Variants in NRG3 observed in about 807,000 individuals in gnomAD.
The protein encoded by NRG3 is pro-neuregulin-3, membrane-bound isoform.
NRG3 carries 31 observed loss-of-function variants against 66.9 expected under a neutral mutation model. That is an observed-to-expected ratio of 0.46 (90% confidence interval 0.35 to 0.63). NRG3 has a LOEUF of 0.63. Among genes scored for constraint, NRG3 ranks in the 20% least tolerant of loss-of-function variants. The pLI, the probability that NRG3 is intolerant of heterozygous loss-of-function variation, is 0.00. For synonymous variants in NRG3, 393 were observed against 359.4 expected, an observed-to-expected ratio of 1.09 and a Z score of -1.06; for missense variants, 910 against 878.9, an observed-to-expected ratio of 1.04 and a Z score of -0.45.
chr10:82,551,700 C>A (rs892615698), intron 2 of NRG3, among the ~76,000 whole-genome samples: 1 of 151,890 alleles, frequency 6.6e-6, no homozygotes, highest in Non-Finnish European at 1.5e-5. Context: ...ACCACCATAG[C>A]GGTCAATGAG....
intron 3 of NRG3, among the ~76,000 whole-genome samples, chr10:82,829,578 A>G (rs2062411283): frequency 6.6e-6 from 1 of 152,116 alleles, no homozygotes; most frequent in African/African-American, 2.4e-5. Context: ...TGAGGTAGTA[A>G]GAACTAGGGA....
rs550026489 is a variant in NRG3 at position 82,788,348 on chromosome 10, T to C, written c.1027+49698T>C. 1.2e-3 allele frequency among the ~76,000 whole-genome samples: 181 copies of C among 152,252 alleles called. 3 individuals carry two copies. Among genetic ancestry groups the C allele is most frequent in the Non-Finnish European group, 9.3e-4 (63 of 68,018 alleles). On this transcript the variant is annotated intron_variant, in intron 3 of 8. Coordinates refer to ENST00000372141, the MANE Select transcript of NRG3 (RefSeq NM_001010848.4). ...ATTTTGGGAGGCCAAGGTGGGCAGA[T>C]CACCTGAGGTCAGGAGTTCGAGACT... is the stretch of plus-strand genomic sequence containing the variant.
At chr10:82,219,683 T>C (rs2075847893) in intron 1 of NRG3, among the ~76,000 whole-genome samples, 1 of 152,172 alleles carries the variant, frequency 6.6e-6, no homozygotes, top group Admixed American at 6.6e-5. Flanking sequence ...TCTATTTCTT[T>C]CATTTTTCTA....
At chr10:81,964,164 T>G (rs1008698724) in intron 1 of NRG3, among the ~76,000 whole-genome samples, 1 of 152,156 alleles carries the variant, frequency 6.6e-6, no homozygotes, top group African/African-American at 2.4e-5. Flanking sequence ...TATACACAGA[T>G]ATGTGAACAT....
intron 2 of NRG3, among the ~76,000 whole-genome samples, chr10:82,450,376 G>T (rs532186091): frequency 6.6e-6 from 1 of 152,194 alleles, no homozygotes; most frequent in East Asian, 1.9e-4. Flanking sequence ...TCTCATTCTG[G>T]CTAATCTTCT....
intron 1 of NRG3, among the ~76,000 whole-genome samples, chr10:82,255,580 CTTT>C (rs201030016): frequency 6.7e-6 from 1 of 149,370 alleles, no homozygotes; most frequent in Non-Finnish European, 1.5e-5. Context: ...TTCTGTAAAT[CTTT>C]TTTTTTTAAA....
At chr10:82,572,481 CA>C (rs1366705344) in intron 2 of NRG3, among the ~76,000 whole-genome samples, 3 of 151,644 alleles carry the variant, frequency 2.0e-5, no homozygotes, top group African/African-American at 7.3e-5. Context: ...AGGCCCTTTG[CA>C]GTAATAGTTC....
intron 1 of NRG3, among the ~76,000 whole-genome samples, chr10:82,156,605 A>G (rs1463055944): frequency 6.6e-6 from 1 of 151,572 alleles, no homozygotes; most frequent in Non-Finnish European, 1.5e-5. Context: ...GATGTCTGTA[A>G]AAAAAAGAAA....
At chr10:82,912,257 T>G (rs988655395) in intron 4 of NRG3, among the ~76,000 whole-genome samples, 2 of 152,226 alleles carry the variant, frequency 1.3e-5, no homozygotes, top group Non-Finnish European at 2.9e-5. Context: ...TTCAAGTCTT[T>G]AACTAAAATA....
At chr10:82,651,546 C>G (rs1475127636) in intron 2 of NRG3, among the ~76,000 whole-genome samples, 1 of 152,224 alleles carries the variant, frequency 6.6e-6, no homozygotes, top group Non-Finnish European at 1.5e-5. Flanking sequence ...GCCTACATGA[C>G]AAGGAACTGA....
chr10:82,775,190 T>A (rs2059865606), intron 3 of NRG3, among the ~76,000 whole-genome samples: 1 of 151,186 alleles, frequency 6.6e-6, no homozygotes. Context: ...CCTAGAGGCA[T>A]AATATAGGGC....
intron 1 of NRG3, among the ~76,000 whole-genome samples, chr10:82,088,800 C>T (rs1303841442): frequency 6.6e-6 from 1 of 152,024 alleles, no homozygotes; most frequent in East Asian, 1.9e-4. Context: ...TATATGCTAC[C>T]CTGACAGGCT....
intron 1 of NRG3, among the ~76,000 whole-genome samples, chr10:82,091,045 G>A (rs1229921407): frequency 6.6e-6 from 1 of 151,994 alleles, no homozygotes; most frequent in South Asian, 2.1e-4. Flanking sequence ...TTCCAGCAGT[G>A]TAACCTAAGA....
intron 3 of NRG3, among the ~76,000 whole-genome samples, chr10:82,760,694 A>G (rs896317859): frequency 3.9e-5 from 6 of 151,994 alleles, no homozygotes; most frequent in African/African-American, 1.2e-4. Flanking sequence ...AAATAAATAA[A>G]TAGAGAATAG....
intron 2 of NRG3, among the ~76,000 whole-genome samples, chr10:82,729,814 G>T (rs2057798263): frequency 6.6e-6 from 1 of 152,194 alleles, no homozygotes; most frequent in South Asian, 2.1e-4. Flanking sequence ...ACAAGTCCCT[G>T]ATACTCAAGG....
chr10:82,534,071 G>T (rs1847572722), intron 2 of NRG3, among the ~76,000 whole-genome samples: 1 of 152,056 alleles, frequency 6.6e-6, no homozygotes, highest in Non-Finnish European at 1.5e-5. Context: ...AACTAAGAAG[G>T]TAAATTACTT....
chr10:82,141,852 T>C (rs867363942), intron 1 of NRG3, among the ~76,000 whole-genome samples: 1 of 152,178 alleles, frequency 6.6e-6, no homozygotes, highest in African/African-American at 2.4e-5. Flanking sequence ...GTACAGTGGG[T>C]GCTATTGCTA....
At chr10:82,641,653 A>G (rs2050592296) in intron 2 of NRG3, among the ~76,000 whole-genome samples, 1 of 152,174 alleles carries the variant, frequency 6.6e-6, no homozygotes, top group African/African-American at 2.4e-5. Context: ...TGAATGTTGG[A>G]CAATTCAGGC....
chr10:82,122,248 T>A (rs1250629526), intron 1 of NRG3, among the ~76,000 whole-genome samples: 1 of 152,174 alleles, frequency 6.6e-6, no homozygotes, highest in African/African-American at 2.4e-5. Context: ...TATACCAAAC[T>A]TTTTGCATGG....
Sources: allele counts gnomAD v4.1 joint callset (sites outside exome capture counted in the v4.1 genomes callset), GRCh38; gene constraint gnomAD v4.1.1; transcripts MANE v1.5; gene names NCBI Gene and HGNC (gene_info 2026-07-23, HGNC 2026-07-21).